LGR6: variants seen among roughly 807,000 people sequenced by gnomAD.
LGR6 encodes leucine-rich repeat-containing G protein-coupled receptor 6.
A neutral mutation model predicts 69.4 loss-of-function variants in LGR6; 45 were observed. The ratio of observed to expected loss-of-function variants is 0.65; its 90% CI spans 0.51 to 0.83. The LOEUF (loss-of-function observed/expected upper bound fraction) is 0.83. Among genes scored for constraint, LGR6 ranks in the 40% least tolerant of loss-of-function variants. The pLI, the probability that LGR6 is intolerant of heterozygous loss-of-function variation, is 0.00. For missense variants in LGR6, 1,108 were observed against 1,246.7 expected, an observed-to-expected ratio of 0.89 and a Z score of 1.68; for synonymous variants, 538 against 555.0, an observed-to-expected ratio of 0.97 and a Z score of 0.43.
rs371858397 is a variant in LGR6 at position 202,288,451 on chromosome 1, T to C, written c.716+7599T>C. 6.6e-4 allele frequency among the ~76,000 whole-genome samples: 100 copies of C among 152,328 alleles called. No homozygotes were observed. In the South Asian group the frequency reaches 0.012, roughly 19 times the overall value. Reference sequence around the variant, plus strand: ...AGGCACAGGGAAGGTACTCAATAAATGTTTGGTGAACAAATATTTCAACAA... The same window carrying C: ...AGGCACAGGGAAGGTACTCAATAAACGTTTGGTGAACAAATATTTCAACAA... On this transcript the variant is annotated intron_variant, in intron 6 of 17. Transcript: ENST00000367278.
chr1:202,272,424 C>G (rs1665181002), intron 4 of LGR6, among the ~76,000 whole-genome samples: 1 of 152,174 alleles, frequency 6.6e-6, no homozygotes. Flanking sequence ...TCCTTTTCTC[C>G]TTTGGTGTGT....
chr1:202,269,185 CAT>C (rs1183241611), intron 4 of LGR6, among the ~76,000 whole-genome samples: 1 of 152,148 alleles, frequency 6.6e-6, no homozygotes. Flanking sequence ...GGATTATAGA[CAT>C]GAGCCACTGT....
intron 6 of LGR6, among the ~76,000 whole-genome samples, chr1:202,291,627 A>G (rs1666800056): frequency 6.6e-6 from 1 of 152,320 alleles, no homozygotes; most frequent in African/African-American, 2.4e-5. Context: ...TGGGGAGACA[A>G]TATGCATGCA....
intron 17 of LGR6, among the ~76,000 whole-genome samples, chr1:202,316,948 A>C (rs932913489): frequency 6.6e-6 from 1 of 152,220 alleles, no homozygotes; most frequent in South Asian, 2.1e-4. Flanking sequence ...AAAACCCCAG[A>C]AGTCATCTGT....
At chr1:202,198,680 T>G (rs1378415846) in intron 1 of LGR6, among the ~76,000 whole-genome samples, 9 of 102,604 alleles carry the variant, frequency 8.8e-5, no homozygotes, top group African/African-American at 2.2e-4. Context: ...TTTTTTTTTT[T>G]TTTTTTTTTT....
intron 5 of LGR6, among the ~76,000 whole-genome samples, chr1:202,280,104 C>G (rs141487154): frequency 6.6e-5 from 10 of 152,238 alleles, no homozygotes; most frequent in African/African-American, 2.4e-4. Flanking sequence ...TTCATAATTT[C>G]CATGTAATGT....
At chr1:202,276,784 T>G (rs982612992) in intron 5 of LGR6, among the ~76,000 whole-genome samples, 2 of 152,196 alleles carry the variant, frequency 1.3e-5, no homozygotes, top group Non-Finnish European at 2.9e-5. Flanking sequence ...AAAATAGGAA[T>G]TAAGCCATTA....
Position 202,303,466 on chromosome 1 carries a change from C to A in LGR6, c.998+119C>A. 3.9e-6 allele frequency: 3 copies of A among 768,522 alleles called. No homozygotes were observed. In the South Asian group the frequency reaches 4.6e-5, roughly 12 times the overall value. The allele number at this position is 768,522 out of a possible 1,614,324, so 47.6% of individuals were successfully genotyped here. A position where few individuals can be genotyped will look rare whatever the true frequency, so the allele number is the denominator to read the frequency against. On this transcript the variant is annotated intron_variant, in intron 10 of 17. Coordinates refer to ENST00000367278, the MANE Select transcript of LGR6 (RefSeq NM_001017403.2). ...CTTGCTTCCCTTTTATCCAGCCTGT[C>A]TCTACTACTGGCTCCATCCCCTTCC...
chr1:202,215,547 T>C (rs80250084), intron 1 of LGR6, among the ~76,000 whole-genome samples: 13,091 of 152,200 alleles, frequency 0.086, 775 homozygotes, highest in African/African-American at 0.15. Flanking sequence ...CTAGAAGAGA[T>C]GCTGGTGAGT....
intron 14 of LGR6, 138 bp from the exon 15 acceptor site, chr1:202,308,913 C>G (rs764401698): frequency 1.1e-4 from 114 of 1,025,496 alleles, no homozygotes; most frequent in Middle Eastern, 2.1e-4. Flanking sequence ...ATTCAATGCT[C>G]TCTTCTAAGC....
intron 11 of LGR6, 92 bp from the exon 12 acceptor site, chr1:202,305,592 G>GTGTCAGCTAACTGACACAGCTA (rs1476768984): frequency 1.8e-6 from 2 of 1,093,432 alleles, no homozygotes; most frequent in African/African-American, 3.1e-5. Flanking sequence ...TAATTGACAG[G>GTGTCAGCTAACTGACACAGCTA]AAAGCACAGT....
intron 1 of LGR6, among the ~76,000 whole-genome samples, chr1:202,200,595 G>T (rs1004948742): frequency 3.3e-5 from 5 of 152,178 alleles, no homozygotes; most frequent in African/African-American, 1.2e-4. Context: ...GTTGGAAATG[G>T]CAACTTCTTT....
intron 1 of LGR6, among the ~76,000 whole-genome samples, chr1:202,205,969 A>AACACGCACAC (rs1659212052): frequency 6.7e-6 from 1 of 149,004 alleles, no homozygotes; most frequent in Non-Finnish European, 1.5e-5. Flanking sequence ...ACAGACACAC[A>AACACGCACAC]ACACACACAC....
chr1:202,317,004 TTGAC>T (rs1654195152), intron 17 of LGR6, among the ~76,000 whole-genome samples: 1 of 152,216 alleles, frequency 6.6e-6, no homozygotes, highest in Admixed American at 6.5e-5. Flanking sequence ...GAAATACTGA[TTGAC>T]TGACAAGTAT....
At chr1:202,196,935 G>A (rs1658661608) in intron 1 of LGR6, 1 of 467,622 alleles carries the variant, frequency 2.1e-6, no homozygotes, top group African/African-American at 2.0e-5. Flanking sequence ...GTGAAAATTG[G>A]GGGTTGGGGA....
intron 5 of LGR6, among the ~76,000 whole-genome samples, chr1:202,279,398 C>T (rs1350077318): frequency 6.6e-6 from 1 of 152,176 alleles, no homozygotes; most frequent in Non-Finnish European, 1.5e-5. Context: ...TGGGTGAGGC[C>T]TGCCCATTGC....
intron 3 of LGR6, among the ~76,000 whole-genome samples, chr1:202,230,253 A>AC (rs1021169195): frequency 1.3e-4 from 19 of 149,732 alleles, no homozygotes; most frequent in Non-Finnish European, 2.4e-4. Context: ...TCTTTCCCAC[A>AC]CCCCCCCACA....
At chr1:202,210,986 C>T (rs1659441785) in intron 1 of LGR6, among the ~76,000 whole-genome samples, 1 of 152,182 alleles carries the variant, frequency 6.6e-6, no homozygotes, top group Non-Finnish European at 1.5e-5. Context: ...AGGCAGGAGA[C>T]AAGCATAGGC....
chr1:202,318,510 T>A lies in LGR6; in HGVS notation c.2207T>A (p.Leu736Gln). The stretch of plus-strand genomic sequence containing the variant: ...GCAGCCCTGGGCTTCACCGTGGCCC[T>A]GGTGATGATGAACTCCTTCTGTTTC... ...QPAALGFTVA[L>Q]VMMNSFCFLV... is the part of the protein sequence containing the mutation. Residue 736 changes from leucine (L) to glutamine (Q), a missense_variant, in exon 18 of 18, where the codon CTG becomes CAG. Physicochemically the swap from Leu to Gln is moderately radical, Grantham distance 113. Transcript: ENST00000367278. 6.2e-7 allele frequency: 1 copy of A among 1,613,998 alleles called. No homozygotes were observed. The highest frequency in any genetic ancestry group is 8.5e-7 in the Non-Finnish European group (1 of 1,179,980).
Sources: gnomAD v4.1 joint callset for allele counts (sites outside exome capture counted in the v4.1 genomes callset) on GRCh38, gnomAD v4.1.1 for gene constraint, MANE v1.5 for transcripts, NCBI Gene and HGNC (gene_info 2026-07-23, HGNC 2026-07-21) for gene names.